Variants in SARAF observed in about 807,000 individuals in gnomAD.
The protein encoded by SARAF is store-operated calcium entry associated regulatory factor.
In SARAF, 23 loss-of-function variants were observed where a neutral mutation model predicts 39.7. That is an observed-to-expected ratio of 0.58 (90% CI 0.42 to 0.82). SARAF has a LOEUF of 0.82. SARAF is among the 40% of genes least tolerant of loss of function. The pLI, the probability that SARAF is intolerant of heterozygous loss-of-function variation, is 0.00. For missense variants in SARAF, 384 were observed against 418.5 expected (o/e 0.92, Z 0.72); for synonymous variants, 175 against 168.5 (o/e 1.04, Z -0.30).
In SARAF at chr8:30,070,064, G is replaced by C. The variant is rs778646655; in HGVS notation, c.283-5C>G. On this transcript the variant is annotated splice_polypyrimidine_tract_variant and splice_region_variant and intron_variant, in intron 2 of 5. Coordinates refer to ENST00000256255, the MANE Select transcript of SARAF (RefSeq NM_016127.6). The stretch of plus-strand genomic sequence containing the variant: ...TAAGTCCGTCTTACATTCCCACTGT[G>C]AAGAAAAATAGAAACAGACTATTAG... 4.4e-6 allele frequency: 7 copies of C among 1,581,822 alleles called. No homozygotes were observed. The highest frequency in any genetic ancestry group is 2.6e-6 in the Non-Finnish European group (3 of 1,168,024).
chr8:30,068,072 T>G (rs1318459927), intron 3 of SARAF, among the ~76,000 whole-genome samples: 1 of 152,222 alleles, frequency 6.6e-6, no homozygotes, highest in Admixed American at 6.5e-5. Context: ...CTCAGGAGAC[T>G]AATGATGCTA....
chr8:30,080,879 C>A (rs1455504123), intron 1 of SARAF, among the ~76,000 whole-genome samples: 1 of 152,228 alleles, frequency 6.6e-6, no homozygotes, highest in Non-Finnish European at 1.5e-5. Context: ...GTGGCTCACG[C>A]CTGTAATCCC....
At chr8:30,072,985 T>C (rs1801879544) in intron 2 of SARAF, among the ~76,000 whole-genome samples, 1 of 152,238 alleles carries the variant, frequency 6.6e-6, no homozygotes, top group African/African-American at 2.4e-5. Flanking sequence ...ACTGCCTTTT[T>C]TTCCCATCAA....
chr8:30,078,721 T>C (rs547614382), intron 1 of SARAF, among the ~76,000 whole-genome samples: 1 of 151,940 alleles, frequency 6.6e-6, no homozygotes, highest in Non-Finnish European at 1.5e-5. Context: ...AAAAAATATA[T>C]ATAGAGAGAG....
intron 1 of SARAF, among the ~76,000 whole-genome samples, chr8:30,081,942 A>G (rs1802110079): frequency 6.6e-6 from 1 of 152,120 alleles, no homozygotes; most frequent in Non-Finnish European, 1.5e-5. Context: ...CCATCACTAA[A>G]AAAAACCGAG....
At chr8:30,079,658 T>C (rs906577552) in intron 1 of SARAF, among the ~76,000 whole-genome samples, 1 of 152,244 alleles carries the variant, frequency 6.6e-6, no homozygotes, top group East Asian at 1.9e-4. Context: ...GCATTTAATT[T>C]ACCTGTGTAG....
Position 30,069,639 on chromosome 8 carries a change from TA to T in SARAF, c.700+2del. The T allele has an allele frequency of 6.5e-7, 1 of 1,546,594 alleles. No homozygotes were observed. The highest frequency in any genetic ancestry group is 8.8e-7 in the Non-Finnish European group (1 of 1,130,010). ...ATTTATGGCCACTGCGAGGGAAACA[TA>T]CCTGTGAACTCAGACTTAAAGCCTG... On this transcript the variant is annotated splice_donor_variant, in intron 3 of 5. Transcript: ENST00000256255. LOFTEE classifies it high-confidence loss of function.
chr8:30,066,291 C>A, intron 4 of SARAF, 152 bp from the exon 5 acceptor site: 5 of 836,376 alleles, frequency 6.0e-6, no homozygotes, highest in Non-Finnish European at 9.1e-6. Context: ...AAATAAAAAC[C>A]GTTTCATATT....
intron 1 of SARAF, among the ~76,000 whole-genome samples, chr8:30,080,386 T>A (rs1802070336): frequency 6.6e-6 from 1 of 152,350 alleles, no homozygotes; most frequent in East Asian, 1.9e-4. Flanking sequence ...CCACTTCAGG[T>A]TTCCAGTCAA....
chr8:30,069,795 G>A lies in SARAF; in HGVS notation c.547C>T (p.Leu183Phe), dbSNP rs1300664612. The A allele has an allele frequency of 1.2e-6, 2 of 1,614,012 alleles. No homozygotes were observed. The highest frequency in any genetic ancestry group is 1.7e-6 in the Non-Finnish European group (2 of 1,180,030). The change falls in exon 3 of 6, where the codon CTT becomes TTT. Residue 183 changes from leucine (L) to phenylalanine (F), a missense_variant. Transcript: ENST00000256255. ...TTATAGACTACAAACGCGATCCCAA[G>A]GAGTACCACAATGGTAATCAATCCA... ...MSGLITIVVLLGIAFVVYKLF... is the reference protein window; with the variant it reads ...MSGLITIVVLFGIAFVVYKLF...
At chr8:30,064,340 G>GCA (rs1456549737) in intron 5 of SARAF, among the ~76,000 whole-genome samples, 2 of 151,202 alleles carry the variant, frequency 1.3e-5, no homozygotes, top group Non-Finnish European at 2.9e-5. Context: ...GACACTGTGC[G>GCA]CACACACACA....
chr8:30,080,429 G>A (rs1174089273), intron 1 of SARAF, among the ~76,000 whole-genome samples: 2 of 152,156 alleles, frequency 1.3e-5, no homozygotes, highest in South Asian at 2.1e-4. Flanking sequence ...CCTGACCAAT[G>A]TACGTTTTTT....
Position 30,076,012 on chromosome 8 carries a change from C to G in SARAF, c.104-1957G>C, listed in dbSNP as rs868513580. Reference sequence around the variant, plus strand: ...AAAACAAAAAAAAAAAAACAAAAAACGGGAAATGGCAGCTCTGGAATGGGA... The same window carrying G: ...AAAACAAAAAAAAAAAAACAAAAAAGGGGAAATGGCAGCTCTGGAATGGGA... On this transcript the variant is annotated intron_variant, in intron 1 of 5. Transcript: ENST00000256255. Among the ~76,000 whole-genome samples, 116 of 94,010 alleles carry G rather than the reference C, an allele frequency of 1.2e-3. 3 individuals are homozygous for G. Among genetic ancestry groups the G allele is most frequent in the Middle Eastern group, 8.6e-3 (1 of 116 alleles). 61.7% of individuals were successfully genotyped at this position (94,010 alleles called of 152,430 possible). A position where few individuals can be genotyped will look rare whatever the true frequency, so the allele number is the denominator to read the frequency against.
chr8:30,075,943 G>T (rs1801948019), intron 1 of SARAF, among the ~76,000 whole-genome samples: 2 of 138,504 alleles, frequency 1.4e-5, no homozygotes, highest in African/African-American at 5.5e-5. Flanking sequence ...AGCAAAGGGG[G>T]AAACTGAGAA....
intron 5 of SARAF, among the ~76,000 whole-genome samples, chr8:30,064,547 A>ATTTTTTTTTTTTTTTTT (rs1319036441): frequency 5.4e-5 from 2 of 37,012 alleles, no homozygotes; most frequent in Non-Finnish European, 9.9e-5. Flanking sequence ...ATATATATAT[A>ATTTTTTTTTTTTTTTTT]TATATATATA....
At chr8:30,078,193 A>G in intron 1 of SARAF, 1 of 400,654 alleles carries the variant, frequency 2.5e-6, no homozygotes, top group Admixed American at 3.5e-5. Flanking sequence ...AAAAAAAAAA[A>G]AGAAAGAAAG....
chr8:30,077,542 G>A (rs1801996594), intron 1 of SARAF, among the ~76,000 whole-genome samples: 1 of 152,180 alleles, frequency 6.6e-6, no homozygotes, highest in South Asian at 2.1e-4. Context: ...GGTGGCTCAT[G>A]CCTGTAATCC....
At chr8:30,075,999 AAAAAAC>A (rs1801954552) in intron 1 of SARAF, among the ~76,000 whole-genome samples, 1 of 146,196 alleles carries the variant, frequency 6.8e-6, no homozygotes, top group Non-Finnish European at 1.5e-5. Context: ...AACAAAAAAA[AAAAAAC>A]AAAAAACGGG....
intron 2 of SARAF, among the ~76,000 whole-genome samples, chr8:30,072,453 C>G (rs1801867817): frequency 6.6e-6 from 1 of 152,034 alleles, no homozygotes; most frequent in African/African-American, 2.4e-5. Flanking sequence ...TGCAGTTTTT[C>G]TTTTGTTGCT....
Sources: allele counts gnomAD v4.1 joint callset (sites outside exome capture counted in the v4.1 genomes callset), GRCh38; gene constraint gnomAD v4.1.1; transcripts MANE v1.5; gene names NCBI Gene and HGNC (gene_info 2026-07-23, HGNC 2026-07-21).